The following TMEM30A variants were observed in gnomAD, a reference collection of about 807,000 sequenced individuals.
The protein encoded by TMEM30A is cell division cycle 50 P4-ATPase accessory subunit A.
Under a neutral mutation model 38.2 loss-of-function variants are expected in TMEM30A, and 24 were observed. The observed-to-expected ratio is 0.63, with a 90% CI of 0.46 to 0.88. TMEM30A has a LOEUF of 0.88. Among genes scored for constraint, TMEM30A ranks in the 40% least tolerant of loss-of-function variants. The pLI is 0.00. For synonymous variants in TMEM30A, 145 were observed against 161.6 expected, an observed-to-expected ratio of 0.90 and a Z score of 0.78; for missense variants, 370 against 458.6, an observed-to-expected ratio of 0.81 and a Z score of 1.77.
At chr6:75,262,031 T>C (rs144425189) in intron 3 of TMEM30A, among the ~76,000 whole-genome samples, 54 of 152,342 alleles carry the variant, frequency 3.5e-4, no homozygotes, top group African/African-American at 1.2e-3. Context: ...CTAGGTACTT[T>C]GCATTAACTG....
chr6:75,267,084 A>G (rs1772082040), intron 2 of TMEM30A, among the ~76,000 whole-genome samples: 2 of 152,214 alleles, frequency 1.3e-5, no homozygotes, highest in African/African-American at 4.8e-5. Context: ...TTACATGCCT[A>G]TTCTGAATCT....
At chr6:75,281,666 G>C (rs921435255) in intron 1 of TMEM30A, among the ~76,000 whole-genome samples, 1 of 152,016 alleles carries the variant, frequency 6.6e-6, no homozygotes, top group Non-Finnish European at 1.5e-5. Context: ...GAAAAAGTTT[G>C]GATTTTTGAT....
At chr6:75,272,343 G>C (rs1772187145) in intron 1 of TMEM30A, 1 of 149,502 alleles carries the variant, frequency 6.7e-6, no homozygotes, top group Non-Finnish European at 1.5e-5. Context: ...AGGCATGCCT[G>C]GACAAGCCCA....
chr6:75,267,496 A>G (rs991175161), intron 2 of TMEM30A, 145 bp downstream of exon 2: 2 of 505,246 alleles, frequency 4.0e-6, no homozygotes, highest in Non-Finnish European at 6.8e-6. Flanking sequence ...CAAACACACA[A>G]AACGATCTTC....
At chr6:75,267,886 A>G (rs999810686) in intron 1 of TMEM30A, 138 bp from the exon 2 acceptor site, 1 of 471,656 alleles carries the variant, frequency 2.1e-6, no homozygotes. Flanking sequence ...TTTTAAGGTC[A>G]TCTGTTTGAC....
chr6:75,265,910 T>C (rs78688298), intron 2 of TMEM30A, among the ~76,000 whole-genome samples: 1 of 152,330 alleles, frequency 6.6e-6, no homozygotes, highest in South Asian at 2.1e-4. Flanking sequence ...TGAATTGGGA[T>C]ATAATAAATT....
Position 75,253,530 on chromosome 6 carries a change from A to AC in TMEM30A, c.*2571dup, listed in dbSNP as rs1771817146. 6.6e-6 allele frequency: 1 copy of AC among 152,580 alleles called. No individual in the cohort carries two copies. Among genetic ancestry groups the AC allele is most frequent in the African/African-American group, 2.4e-5 (1 of 41,446 alleles). 9.5% of individuals were successfully genotyped at this position (152,580 alleles called of 1,614,324 possible). A position where few individuals can be genotyped will look rare whatever the true frequency, so the allele number is the denominator to read the frequency against. Reference sequence around the variant, plus strand: ...AAGAAGTTAAAACCTGGACTCACTGACGCTGTGTTAAAATTTAGTGCTAAA... The same window carrying AC: ...AAGAAGTTAAAACCTGGACTCACTGACCGCTGTGTTAAAATTTAGTGCTAAA... On this transcript the variant is annotated 3_prime_UTR_variant, in exon 7 of 7. Transcript: ENST00000230461.
chr6:75,256,283 T>G lies in TMEM30A; in HGVS notation c.905A>C (p.His302Pro), dbSNP rs1326423733. The change falls in exon 7 of 7, where the codon CAT becomes CCT. Residue 302 changes from histidine to proline, a missense_variant. His to Pro is a moderately conservative substitution (Grantham distance 77). Transcript: ENST00000230461. ...SLNVTYNYPVHYFDGRKRMIL... is the reference protein window; with the variant it reads ...SLNVTYNYPVPYFDGRKRMIL... ...CATCCGTTTTCGTCCATCAAAATAA[T>G]GTACAGGGTAATCTGAAGAGGGTAT... 1.9e-6 allele frequency: 3 copies of G among 1,612,752 alleles called. No homozygotes were observed. The African/African-American group carries it at 4.0e-5, about 22-fold the overall frequency.
At chr6:75,264,888 T>G (rs554985204) in intron 3 of TMEM30A, among the ~76,000 whole-genome samples, 2 of 151,926 alleles carry the variant, frequency 1.3e-5, no homozygotes, top group African/African-American at 4.8e-5. Flanking sequence ...GATCATGAGG[T>G]CAGGAGTTTG....
chr6:75,261,137 GTT>G (rs1771958093), intron 3 of TMEM30A, among the ~76,000 whole-genome samples: 1 of 152,116 alleles, frequency 6.6e-6, no homozygotes, highest in Non-Finnish European at 1.5e-5. Flanking sequence ...ACTTGCATAT[GTT>G]TTGTCATATA....
At chr6:75,261,613 T>C (rs1771966596) in intron 3 of TMEM30A, among the ~76,000 whole-genome samples, 1 of 152,126 alleles carries the variant, frequency 6.6e-6, no homozygotes, top group African/African-American at 2.4e-5. Context: ...AAGTCTGAGG[T>C]TAGGGGTCTG....
chr6:75,264,584 C>T (rs972694313), intron 3 of TMEM30A, among the ~76,000 whole-genome samples: 1 of 151,346 alleles, frequency 6.6e-6, no homozygotes, highest in Admixed American at 6.6e-5. Flanking sequence ...TGCAGTGAGC[C>T]GAGGTCGCGC....
intron 3 of TMEM30A, 54 bp from the exon 4 acceptor site, chr6:75,260,965 A>G: frequency 1.6e-6 from 2 of 1,221,838 alleles, no homozygotes; most frequent in Non-Finnish European, 2.3e-6. Context: ...CTTTGGGAGA[A>G]CTATGAGCTA....
chr6:75,256,145 T>C lies in TMEM30A; in HGVS notation c.1043A>G (p.His348Arg), dbSNP rs1771862860. 2 of 1,612,388 alleles carry C rather than the reference T, an allele frequency of 1.2e-6. No individual in the cohort carries two copies. Among genetic ancestry groups the C allele is most frequent in the East Asian group, 2.2e-5 (1 of 44,840 alleles). The change falls in exon 7 of 7, where the codon CAT (histidine) becomes CGT (arginine). Residue 348 changes from histidine (H) to arginine (R), a missense_variant. His to Arg is a conservative substitution (Grantham distance 29, BLOSUM62 0). Coordinates refer to ENST00000230461, the MANE Select transcript of TMEM30A (RefSeq NM_018247.4). The part of the protein sequence containing the change: ...LLGVVLLVIN[H>R]KYRNSSNTAD... ...TGTATTACTACTGTTTCTATATTTA[T>C]GATTAATTACTAGCAGTACAACTCC...
At chr6:75,277,914 GA>G (rs1772288547) in intron 1 of TMEM30A, among the ~76,000 whole-genome samples, 1 of 151,766 alleles carries the variant, frequency 6.6e-6, no homozygotes, top group South Asian at 2.1e-4. Context: ...TTCTAAAAAA[GA>G]AAAATAAAAT....
Position 75,256,308 on chromosome 6 carries a change from T to C in TMEM30A, c.893-13A>G. The C allele has an allele frequency of 6.3e-7, 1 of 1,579,412 alleles. No homozygotes were observed. Among genetic ancestry groups the C allele is most frequent in the South Asian group, 1.2e-5 (1 of 86,332 alleles). The stretch of plus-strand genomic sequence containing the variant: ...TGTACAGGGTAATCTGAAGAGGGTA[T>C]AGGAAGATTTTTCCATCTCTGGTTA... On this transcript the variant is annotated splice_polypyrimidine_tract_variant and intron_variant, in intron 6 of 6. Transcript: ENST00000230461.
Position 75,284,695 on chromosome 6 carries a change from G to A in TMEM30A, c.-57C>T. On this transcript the variant is annotated 5_prime_UTR_variant, in exon 1 of 7. Transcript: ENST00000230461. ...GGTGGACCACCCAGGGGGCCCGCCGGCTGACCCTGACAGGAACCGCTCGAG... is the reference window on the plus strand; with the variant it reads ...GGTGGACCACCCAGGGGGCCCGCCGACTGACCCTGACAGGAACCGCTCGAG... The A allele has an allele frequency of 6.3e-7, 1 of 1,576,868 alleles. No individual in the cohort carries two copies.
At chr6:75,282,298 G>A (rs1772371578) in intron 1 of TMEM30A, among the ~76,000 whole-genome samples, 1 of 151,970 alleles carries the variant, frequency 6.6e-6, no homozygotes, top group Non-Finnish European at 1.5e-5. Context: ...GATTCTTCAG[G>A]CAACTTGAAA....
chr6:75,267,739 T>C lies in TMEM30A; in HGVS notation c.247A>G (p.Thr83Ala). 5 of 1,595,776 alleles carry C rather than the reference T, an allele frequency of 3.1e-6. No individual in the cohort carries two copies. The highest frequency in any genetic ancestry group is 4.3e-6 in the Non-Finnish European group (5 of 1,171,584). Residue 83 changes from threonine to alanine, a missense_variant, in exon 2 of 7, where the codon ACC becomes GCC. Thr to Ala is a moderately conservative substitution (Grantham distance 58). Transcript: ENST00000230461. The stretch of plus-strand genomic sequence containing the variant: ...CAGGGACTGGAAGGCTCTGTTCCGG[T>C]ATAATCAATCTGCAAGAGAAAAATA... ...NNIREIEIDYTGTEPSSPCNK... is the reference protein window; with the variant it reads ...NNIREIEIDYAGTEPSSPCNK...
Sources: allele counts gnomAD v4.1 joint callset (sites outside exome capture counted in the v4.1 genomes callset), GRCh38; gene constraint gnomAD v4.1.1; transcripts MANE v1.5; gene names NCBI Gene and HGNC (gene_info 2026-07-23, HGNC 2026-07-21).